TIMM44: variants seen among roughly 807,000 people sequenced by gnomAD.
TIMM44 encodes mitochondrial import inner membrane translocase subunit TIM44.
Under a neutral mutation model 63.8 loss-of-function variants are expected in TIMM44, and 37 were observed. The observed-to-expected ratio is 0.58, with a 90% confidence interval of 0.45 to 0.76. The LOEUF (loss-of-function observed/expected upper bound fraction) is 0.76. TIMM44 is among the 30% of genes least tolerant of loss of function. The pLI is 0.00. For synonymous variants in TIMM44, 239 were observed against 245.1 expected, an observed-to-expected ratio of 0.98 and a Z score of 0.23; for missense variants, 573 against 603.8, an observed-to-expected ratio of 0.95 and a Z score of 0.54.
chr19:7,941,304 T>G, intron 1 of TIMM44, 107 bp from the exon 2 acceptor site: 3 of 724,870 alleles, frequency 4.1e-6, no homozygotes, highest in Non-Finnish European at 7.0e-6. Flanking sequence ...ACTGGCCATT[T>G]TTTTTTTTTT....
At chr19:7,939,469 T>A (rs1984243940) in intron 2 of TIMM44, among the ~76,000 whole-genome samples, 1 of 151,254 alleles carries the variant, frequency 6.6e-6, no homozygotes, top group African/African-American at 2.4e-5. Context: ...AAAAATTAGC[T>A]GGGCGTGGTG....
chr19:7,931,422 A>G, intron 9 of TIMM44: 1 of 549,820 alleles, frequency 1.8e-6, no homozygotes, highest in East Asian at 3.1e-5. Context: ...CCTGCGGGCG[A>G]CCACCCAGGA....
At position 7,927,127 on chromosome 19, in the gene TIMM44, T is replaced by C; in HGVS notation, c.*60A>G. Reference sequence around the variant, plus strand: ...AGAGGTCTGGAGTTGCCGCAGGTGGTGTTGCGGTGCCTCTGTGCCTGATGA... The same window carrying C: ...AGAGGTCTGGAGTTGCCGCAGGTGGCGTTGCGGTGCCTCTGTGCCTGATGA... On this transcript the variant is annotated 3_prime_UTR_variant, in exon 13 of 13. Transcript: ENST00000270538. 3 of 1,556,606 alleles carry C rather than the reference T, an allele frequency of 1.9e-6. No homozygotes were observed. Among genetic ancestry groups the C allele is most frequent in the Non-Finnish European group, 1.7e-6 (2 of 1,157,608 alleles).
chr19:7,936,826 C>T (rs4804838), intron 3 of TIMM44, among the ~76,000 whole-genome samples: 1 of 151,706 alleles, frequency 6.6e-6, no homozygotes, highest in South Asian at 2.1e-4. Flanking sequence ...TAGGGCTGGG[C>T]GCACTGGCTC....
At position 7,934,028 on chromosome 19, in the gene TIMM44, G is replaced by A. The variant is rs767312746; in HGVS notation, c.544-25C>T. On this transcript the variant is annotated intron_variant, in intron 5 of 12. Transcript: ENST00000270538. This position sits in a 1 kb window ranked among gnomAD's most constrained non-coding sequence, Gnocchi z 5.3. ...CCTGCGAGGGAGGCACAGCGGGGCTGGGGTGGGTGTCTGGGTTCGGCCGCC... is the reference window on the plus strand; with the variant it reads ...CCTGCGAGGGAGGCACAGCGGGGCTAGGGTGGGTGTCTGGGTTCGGCCGCC... The A allele has an allele frequency of 1.2e-6, 2 of 1,613,700 alleles. No individual in the cohort carries two copies. The highest frequency in any genetic ancestry group is 3.3e-5 in the Admixed American group (2 of 60,030).
chr19:7,931,575 C>T lies in TIMM44; in HGVS notation c.988-387G>A, dbSNP rs548883971. On this transcript the variant is annotated intron_variant, in intron 9 of 12. Transcript: ENST00000270538. ...CCCGCAGTGAGCCCATGTCCTCTGT[C>T]CCCCCAGGGGACCACATTTCGGACT... is the stretch of plus-strand genomic sequence containing the variant. 10 of 286,350 alleles carry T rather than the reference C, an allele frequency of 3.5e-5. No individual in the cohort carries two copies. In the Middle Eastern group the frequency reaches 3.6e-3, roughly 104 times the overall value. 17.7% of individuals were successfully genotyped at this position (286,350 alleles called of 1,614,324 possible).
Position 7,943,563 on chromosome 19 carries a change from G to C in TIMM44, c.45+44C>G. On this transcript the variant is annotated intron_variant, in intron 1 of 12. Transcript: ENST00000270538. The surrounding 1 kb of genome is among the most constrained non-coding windows in gnomAD (Gnocchi z 4.3). ...GAAAGCCTTGGTGGCCGAAGGCCCA[G>C]AAGACCCCTAAGCTCGCCCTGCCAG... is the stretch of plus-strand genomic sequence containing the variant. 1 of 1,559,976 alleles carries C rather than the reference G, an allele frequency of 6.4e-7. No individual in the cohort carries two copies. Among genetic ancestry groups the C allele is most frequent in the Non-Finnish European group, 8.6e-7 (1 of 1,158,544 alleles).
Position 7,927,827 on chromosome 19 carries a change from G to A in TIMM44, c.1129-60C>T, listed in dbSNP as rs1599645262. ...AGGACAGCCCGGCTGCTCCCCTGGA[G>A]GTGAAACCCCTGCGCCTAGGCCCTG... On this transcript the variant is annotated intron_variant, in intron 11 of 12. Coordinates refer to ENST00000270538, the MANE Select transcript of TIMM44 (RefSeq NM_006351.4). 12 of 1,547,728 alleles carry A rather than the reference G, an allele frequency of 7.8e-6. No homozygotes were observed. In the South Asian group the frequency reaches 8.9e-5, roughly 11 times the overall value.
intron 10 of TIMM44, among the ~76,000 whole-genome samples, chr19:7,929,538 C>T (rs1010333086): frequency 1.3e-5 from 2 of 152,152 alleles, no homozygotes; most frequent in African/African-American, 4.8e-5. Context: ...ACCAGGGTTA[C>T]CTCTGTGGGT....
At chr19:7,938,475 C>T (rs1984217586) in intron 2 of TIMM44, among the ~76,000 whole-genome samples, 1 of 152,124 alleles carries the variant, frequency 6.6e-6, no homozygotes, top group African/African-American at 2.4e-5. Context: ...TGCTTGAGGT[C>T]ATGAGTTTTA....
intron 11 of TIMM44, 109 bp downstream of exon 11, chr19:7,927,968 T>C: frequency 8.1e-7 from 1 of 1,228,018 alleles, no homozygotes; most frequent in East Asian, 2.5e-5. Flanking sequence ...CAAGACCTCT[T>C]GGATCAGCCC....
At position 7,934,208 on chromosome 19, in the gene TIMM44, C is replaced by T. The variant is rs201616344; in HGVS notation, c.424G>A (p.Gly142Ser). The change falls in exon 5 of 13, where the codon GGC becomes AGC. Residue 142 changes from glycine (G) to serine (S), a missense_variant. Physicochemically the swap from Gly to Ser is moderately conservative, Grantham distance 56. Transcript: ENST00000270538. This position sits in a 1 kb window ranked among gnomAD's most constrained non-coding sequence, Gnocchi z 5.3. ...SLHEVSKSDL[G>S]RKIKEGVEEA... ...TCCACGCCCTCCTTGATTTTCCGGC[C>T]GAGATCACTTTTACTGACTTCGTGA... is the stretch of plus-strand genomic sequence containing the variant. The T allele has an allele frequency of 1.9e-4, 302 of 1,613,088 alleles. No individual in the cohort carries two copies. The highest frequency in any genetic ancestry group is 3.3e-4 in the Middle Eastern group (2 of 6,084).
At chr19:7,939,340 A>C (rs1984239321) in intron 2 of TIMM44, among the ~76,000 whole-genome samples, 2 of 152,172 alleles carry the variant, frequency 1.3e-5, no homozygotes, top group Non-Finnish European at 2.9e-5. Flanking sequence ...GGCCGGGCGC[A>C]GTGGCTCCTG....
intron 3 of TIMM44, 48 bp downstream of exon 3, chr19:7,937,979 C>T (rs575454608): frequency 9.9e-6 from 16 of 1,611,036 alleles, no homozygotes; most frequent in Admixed American, 8.3e-5. Context: ...GATCGCACCA[C>T]TACTCTCCAG....
chr19:7,936,975 G>A (rs1380161097), intron 3 of TIMM44, among the ~76,000 whole-genome samples: 1 of 152,172 alleles, frequency 6.6e-6, no homozygotes, highest in East Asian at 1.9e-4. Context: ...AGTGGTGTGT[G>A]TCTGTAATCC....
At chr19:7,928,937 A>AC (rs995298751) in intron 10 of TIMM44, 1 of 151,380 alleles carries the variant, frequency 6.6e-6, no homozygotes, top group Admixed American at 6.6e-5. Flanking sequence ...AAAAAAAAAA[A>AC]AAAAAAAAAA....
intron 10 of TIMM44, 78 bp from the exon 11 acceptor site, chr19:7,928,244 C>T: frequency 7.8e-7 from 1 of 1,282,930 alleles, no homozygotes; most frequent in Non-Finnish European, 1.1e-6. Flanking sequence ...TGCCCACACA[C>T]CCTGGCGCCC....
rs111769029 is a variant in TIMM44, at chr19:7,931,379, C to A, written c.988-191G>T. 6.0e-4 allele frequency: 385 copies of A among 643,518 alleles called. 1 individual carries two copies. In the African/African-American group the frequency reaches 6.4e-3, roughly 11 times the overall value. The allele number at this position is 643,518 out of a possible 1,614,324, so 39.9% of individuals were successfully genotyped here. On this transcript the variant is annotated intron_variant, in intron 9 of 12. Coordinates refer to ENST00000270538, the MANE Select transcript of TIMM44 (RefSeq NM_006351.4). ...AGGCCCGTCCCTGCTGGTGTCAGTGCCTGGCTCTGGCCTAGGCACAGGCGG... is the reference window on the plus strand; with the variant it reads ...AGGCCCGTCCCTGCTGGTGTCAGTGACTGGCTCTGGCCTAGGCACAGGCGG...
chr19:7,931,929 G>A lies in TIMM44; in HGVS notation c.987+698C>T, dbSNP rs143879900. 966 of 155,498 alleles carry A rather than the reference G, an allele frequency of 6.2e-3. 11 individuals carry two copies. Among genetic ancestry groups the A allele is most frequent in the African/African-American group, 0.022 (902 of 41,614 alleles). The allele number at this position is 155,498 out of a possible 1,614,324, so 9.6% of individuals were successfully genotyped here. A position where few individuals can be genotyped will look rare whatever the true frequency, so the allele number is the denominator to read the frequency against. ...ACCTCCCAGCCCTGCCCGAAGTGGCGGGAAGGATACGGGAAACTGGAGGAG... is the reference window on the plus strand; with the variant it reads ...ACCTCCCAGCCCTGCCCGAAGTGGCAGGAAGGATACGGGAAACTGGAGGAG... On this transcript the variant is annotated intron_variant, in intron 9 of 12. Transcript: ENST00000270538.
Sources: gnomAD v4.1 joint callset for allele counts (sites outside exome capture counted in the v4.1 genomes callset) on GRCh38, gnomAD v4.1.1 for gene constraint, Gnocchi (gnomAD v3.1) non-coding constraint, MANE v1.5 for transcripts, NCBI Gene and HGNC (gene_info 2026-07-23, HGNC 2026-07-21) for gene names.